ST8SIA4: variants seen among roughly 807,000 people sequenced by gnomAD.
ST8SIA4 encodes CMP-N-acetylneuraminate-poly-alpha-2,8-sialyltransferase.
In ST8SIA4, 15 loss-of-function variants were observed where a neutral mutation model predicts 33.9. The observed-to-expected ratio is 0.44, with a 90% CI of 0.30 to 0.68. ST8SIA4 has a LOEUF of 0.68. Ranked by LOEUF, ST8SIA4 falls within the 30% of genes least tolerant of loss-of-function variation. The probability of loss-of-function intolerance (pLI) is 0.10; values close to 1 mark genes in which losing one functional copy is unlikely to be tolerated. For missense variants in ST8SIA4, 321 were observed against 428.0 expected, an observed-to-expected ratio of 0.75 and a Z score of 2.21; for synonymous variants, 171 against 151.2, an observed-to-expected ratio of 1.13 and a Z score of -0.96.
intron 3 of ST8SIA4, among the ~76,000 whole-genome samples, chr5:100,873,854 A>G (rs1320814692): frequency 6.6e-6 from 1 of 152,212 alleles, no homozygotes; most frequent in African/African-American, 2.4e-5. Flanking sequence ...TTGTGAAATT[A>G]TTGAGTATAG....
chr5:100,860,308 C>T (rs1211252977), intron 3 of ST8SIA4, among the ~76,000 whole-genome samples: 2 of 152,166 alleles, frequency 1.3e-5, no homozygotes, highest in African/African-American at 2.4e-5. Context: ...TCAGCCAAAA[C>T]ATTATTACCT....
At chr5:100,822,039 C>T (rs1036461991) in intron 4 of ST8SIA4, among the ~76,000 whole-genome samples, 1 of 152,174 alleles carries the variant, frequency 6.6e-6, no homozygotes, top group African/African-American at 2.4e-5. Context: ...AATTATATTA[C>T]AAAGCCACTG....
intron 3 of ST8SIA4, chr5:100,886,092 C>T (rs1315187574): frequency 7.9e-7 from 1 of 1,259,404 alleles, no homozygotes; most frequent in Non-Finnish European, 1.0e-6. Flanking sequence ...ATTTGCCTCC[C>T]CCCTCACCTC....
At chr5:100,819,888 T>A (rs964055125) in intron 4 of ST8SIA4, among the ~76,000 whole-genome samples, 1 of 152,184 alleles carries the variant, frequency 6.6e-6, no homozygotes, top group Non-Finnish European at 1.5e-5. Context: ...TAACTCATAT[T>A]CAACACAATG....
In ST8SIA4 at chr5:100,808,311, A is replaced by C. The variant is rs758674959; in HGVS notation, c.*3536T>G. 2 of 152,680 alleles carry C rather than the reference A, an allele frequency of 1.3e-5. No homozygotes were observed. The highest frequency in any genetic ancestry group is 2.9e-5 in the Non-Finnish European group (2 of 68,030). 9.5% of individuals were successfully genotyped at this position (152,680 alleles called of 1,614,324 possible). A position where few individuals can be genotyped will look rare whatever the true frequency, so the allele number is the denominator to read the frequency against. On this transcript the variant is annotated 3_prime_UTR_variant, in exon 5 of 5. Transcript: ENST00000231461. Reference sequence around the variant, plus strand: ...TGATATACAATTCATATGATATACAATACATGAACACATTTGAATGCCCAG... The same window carrying C: ...TGATATACAATTCATATGATATACACTACATGAACACATTTGAATGCCCAG...
chr5:100,838,124 G>T (rs1329415299), intron 4 of ST8SIA4, among the ~76,000 whole-genome samples: 1 of 151,978 alleles, frequency 6.6e-6, no homozygotes, highest in Non-Finnish European at 1.5e-5. Flanking sequence ...CGGTACATGG[G>T]ACTGTGAAGG....
At chr5:100,873,855 T>C (rs1273349754) in intron 3 of ST8SIA4, among the ~76,000 whole-genome samples, 2 of 152,198 alleles carry the variant, frequency 1.3e-5, no homozygotes, top group Non-Finnish European at 2.9e-5. Flanking sequence ...TGTGAAATTA[T>C]TGAGTATAGC....
chr5:100,881,369 C>T (rs991319683), intron 3 of ST8SIA4, among the ~76,000 whole-genome samples: 6 of 152,062 alleles, frequency 3.9e-5, no homozygotes, highest in Non-Finnish European at 7.4e-5. Flanking sequence ...TGAGGTCATC[C>T]GTTCTCTGAG....
chr5:100,841,621 T>A (rs1470290693), intron 4 of ST8SIA4, among the ~76,000 whole-genome samples: 1 of 151,902 alleles, frequency 6.6e-6, no homozygotes, highest in African/African-American at 2.4e-5. Flanking sequence ...TCACTGCTTT[T>A]GTTGCTTCAT....
chr5:100,877,205 C>T (rs1752324731), intron 3 of ST8SIA4, among the ~76,000 whole-genome samples: 1 of 152,078 alleles, frequency 6.6e-6, no homozygotes, highest in South Asian at 2.1e-4. Context: ...ACAAATCAAT[C>T]ATATCTACAG....
intron 1 of ST8SIA4, among the ~76,000 whole-genome samples, chr5:100,900,000 C>A (rs1465359237): frequency 6.6e-6 from 1 of 152,026 alleles, no homozygotes; most frequent in African/African-American, 2.4e-5. Context: ...CGCAGGTATT[C>A]CTTTGGAGAT....
intron 4 of ST8SIA4, among the ~76,000 whole-genome samples, chr5:100,823,470 G>A (rs186757569): frequency 6.6e-6 from 1 of 151,884 alleles, no homozygotes; most frequent in African/African-American, 2.4e-5. Flanking sequence ...TCTTTCTTAC[G>A]TGAGATCCAA....
intron 4 of ST8SIA4, among the ~76,000 whole-genome samples, chr5:100,817,145 T>C (rs1206945594): frequency 8.2e-6 from 1 of 121,330 alleles, no homozygotes; most frequent in Non-Finnish European, 1.8e-5. Context: ...TTTTTTGTAT[T>C]TTTGGTAGAG....
At chr5:100,847,021 C>A (rs533066508) in intron 4 of ST8SIA4, among the ~76,000 whole-genome samples, 10 of 152,026 alleles carry the variant, frequency 6.6e-5, no homozygotes, top group Non-Finnish European at 1.3e-4. Context: ...TCAGAGTCTG[C>A]CAGTAAGGAA....
chr5:100,859,716 A>C (rs1751893437), intron 3 of ST8SIA4, among the ~76,000 whole-genome samples: 4 of 152,094 alleles, frequency 2.6e-5, no homozygotes, highest in Non-Finnish European at 5.9e-5. Context: ...AGTTATATAA[A>C]ATATTTATTT....
chr5:100,886,493 A>G lies in ST8SIA4; in HGVS notation c.353T>C (p.Leu118Pro). The G allele has an allele frequency of 6.2e-7, 1 of 1,613,944 alleles. No homozygotes were observed. The highest frequency in any genetic ancestry group is 8.5e-7 in the Non-Finnish European group (1 of 1,179,830). ...GCTATGTAGATCATGAGAAATGTTT[A>G]GTGTCCGGCGCCTGTCAAGCACATA... ...IHYVLDRRRT[L>P]NISHDLHSLL... Residue 118 changes from leucine to proline, a missense_variant, in exon 3 of 5, where the codon CTA becomes CCA. Coordinates refer to ENST00000231461, the MANE Select transcript of ST8SIA4 (RefSeq NM_005668.6).
intron 2 of ST8SIA4, among the ~76,000 whole-genome samples, chr5:100,888,346 A>C (rs1435074343): frequency 2.0e-5 from 3 of 151,944 alleles, no homozygotes; most frequent in Admixed American, 2.0e-4. Flanking sequence ...TATTCAAAGC[A>C]GGGGGTTGTG....
chr5:100,868,563 C>T (rs111413721), intron 3 of ST8SIA4, among the ~76,000 whole-genome samples: 7 of 152,152 alleles, frequency 4.6e-5, no homozygotes, highest in African/African-American at 1.7e-4. Context: ...CAAACATCTT[C>T]AGTAGTTTCA....
chr5:100,840,086 A>C (rs1047248137), intron 4 of ST8SIA4, among the ~76,000 whole-genome samples: 2 of 151,664 alleles, frequency 1.3e-5, no homozygotes, highest in African/African-American at 4.8e-5. Context: ...CTTTTATATC[A>C]TGTCATATCT....
Sources: allele counts gnomAD v4.1 joint callset (sites outside exome capture counted in the v4.1 genomes callset), GRCh38; gene constraint gnomAD v4.1.1; transcripts MANE v1.5; gene names NCBI Gene and HGNC (gene_info 2026-07-23, HGNC 2026-07-21).